LHFPL3: variants seen among roughly 807,000 people sequenced by gnomAD.
LHFPL3 encodes LHFPL tetraspan subfamily member 3 protein.
In LHFPL3, 5 loss-of-function variants were observed where a neutral mutation model predicts 19.3. The ratio of observed to expected loss-of-function variants is 0.26; its 90% CI spans 0.14 to 0.54. The LOEUF is 0.54. Among genes scored for constraint, LHFPL3 ranks in the 20% least tolerant of loss-of-function variants. The pLI is 0.94. For synonymous variants in LHFPL3, 133 were observed against 126.2 expected, an observed-to-expected ratio of 1.05 and a Z score of -0.36; for missense variants, 249 against 307.4, an observed-to-expected ratio of 0.81 and a Z score of 1.42.
chr7:104,353,921 C>A (rs1452116572), intron 1 of LHFPL3, among the ~76,000 whole-genome samples: 1 of 152,134 alleles, frequency 6.6e-6, no homozygotes, highest in African/African-American at 2.4e-5. Flanking sequence ...CCATGTCTCT[C>A]TATTCCTTTA....
chr7:104,829,497 C>T (rs2116552667), intron 2 of LHFPL3, among the ~76,000 whole-genome samples: 1 of 151,698 alleles, frequency 6.6e-6, no homozygotes, highest in Middle Eastern at 3.4e-3. Context: ...TACCCCACAA[C>T]AGTCCCCGGA....
intron 1 of LHFPL3, among the ~76,000 whole-genome samples, chr7:104,330,895 C>T (rs967867710): frequency 6.6e-6 from 1 of 152,152 alleles, no homozygotes; most frequent in African/African-American, 2.4e-5. Context: ...CATGCAGATG[C>T]TGTAGAAAAA....
chr7:104,573,655 C>A lies in LHFPL3; in HGVS notation c.446-163020C>A, dbSNP rs539972398. Among the ~76,000 whole-genome samples, 2 of 152,318 alleles carry A rather than the reference C, an allele frequency of 1.3e-5. 1 individual carries two copies. Among genetic ancestry groups the A allele is most frequent in the Non-Finnish European group, 2.9e-5 (2 of 68,034 alleles). ...CGCTGCAATGGCTCTTTCCTCCTAA[C>A]AGCCAGGGCCTGGGTAAAGGTTGGG... On this transcript the variant is annotated intron_variant, in intron 1 of 2. Transcript: ENST00000424859.
At chr7:104,481,112 C>A (rs923344663) in intron 1 of LHFPL3, among the ~76,000 whole-genome samples, 1 of 152,170 alleles carries the variant, frequency 6.6e-6, no homozygotes, top group Admixed American at 6.6e-5. Flanking sequence ...TACACTTGTG[C>A]AAAGAAGGAC....
rs61377564 is a variant in LHFPL3 at position 104,873,900 on chromosome 7, A to G, written c.683-32287A>G. Among the ~76,000 whole-genome samples the G allele has an allele frequency of 2.9e-3, 443 of 152,360 alleles. 22 individuals are homozygous for G. In the East Asian group the frequency reaches 0.056, roughly 19 times the overall value. ...GTCTCGGTTGCCCTCAGAACGTATGATGAAGTCTGCCTGTGCTTTTATGGC... is the reference window on the plus strand; with the variant it reads ...GTCTCGGTTGCCCTCAGAACGTATGGTGAAGTCTGCCTGTGCTTTTATGGC... On this transcript the variant is annotated intron_variant, in intron 2 of 2. Coordinates refer to ENST00000424859, the MANE Select transcript of LHFPL3 (RefSeq NM_199000.3).
intron 1 of LHFPL3, among the ~76,000 whole-genome samples, chr7:104,442,999 C>A (rs549598365): frequency 1.3e-5 from 2 of 152,116 alleles, no homozygotes; most frequent in Non-Finnish European, 2.9e-5. Flanking sequence ...TGATTAGTGA[C>A]CAAACACTGG....
chr7:104,399,522 C>T lies in LHFPL3; in HGVS notation c.445+70298C>T, dbSNP rs548392417. 2.6e-5 allele frequency among the ~76,000 whole-genome samples: 4 copies of T among 151,430 alleles called. No individual in the cohort carries two copies. The South Asian group carries it at 6.3e-4, about 24-fold the overall frequency. ...AGGCTGGCAGGCTGGAGTGCAGTGG[C>T]GCAGTCTTGGCTCAGTGCAACCTCT... On this transcript the variant is annotated intron_variant, in intron 1 of 2. Coordinates refer to ENST00000424859, the MANE Select transcript of LHFPL3 (RefSeq NM_199000.3). The surrounding 1 kb of genome is among the most constrained non-coding windows in gnomAD (Gnocchi z 4.4).
chr7:104,448,035 G>A (rs1457666155), intron 1 of LHFPL3, among the ~76,000 whole-genome samples: 1 of 151,744 alleles, frequency 6.6e-6, no homozygotes, highest in African/African-American at 2.4e-5. Flanking sequence ...ACTGAGATAC[G>A]GTTTACCTCT....
chr7:104,861,847 G>A (rs1054470774), intron 2 of LHFPL3, among the ~76,000 whole-genome samples: 2 of 152,110 alleles, frequency 1.3e-5, no homozygotes, highest in Non-Finnish European at 2.9e-5. Flanking sequence ...GCTTTGGATT[G>A]GCAGAGACAT....
chr7:104,535,158 A>G (rs1794369045), intron 1 of LHFPL3, among the ~76,000 whole-genome samples: 1 of 152,220 alleles, frequency 6.6e-6, no homozygotes. Flanking sequence ...TTGAACTACA[A>G]ATAAGCTAAT....
intron 1 of LHFPL3, among the ~76,000 whole-genome samples, chr7:104,401,621 G>A (rs1210993611): frequency 6.6e-6 from 1 of 152,128 alleles, no homozygotes; most frequent in Non-Finnish European, 1.5e-5. Flanking sequence ...ACCAGTGCCA[G>A]ATACTTTTCA....
At chr7:104,513,002 G>A (rs1451055523) in intron 1 of LHFPL3, among the ~76,000 whole-genome samples, 1 of 152,104 alleles carries the variant, frequency 6.6e-6, no homozygotes, top group Non-Finnish European at 1.5e-5. Flanking sequence ...TATGGATATA[G>A]TTCTCTTTCA....
intron 1 of LHFPL3, among the ~76,000 whole-genome samples, chr7:104,487,352 C>T (rs896684514): frequency 1.3e-5 from 2 of 152,178 alleles, no homozygotes; most frequent in African/African-American, 4.8e-5. Context: ...TAATTATTTA[C>T]CAAATTATTC....
chr7:104,388,741 A>G (rs1349187886), intron 1 of LHFPL3, among the ~76,000 whole-genome samples: 1 of 152,174 alleles, frequency 6.6e-6, no homozygotes, highest in African/African-American at 2.4e-5. Context: ...CTGAAAGTCA[A>G]TGTAATATAT....
At chr7:104,506,679 A>G (rs1008526184) in intron 1 of LHFPL3, among the ~76,000 whole-genome samples, 4 of 152,218 alleles carry the variant, frequency 2.6e-5, no homozygotes, top group African/African-American at 9.6e-5. Flanking sequence ...ATCTTCTGTG[A>G]TTTGTACAAG....
chr7:104,420,105 T>C (rs897247956), intron 1 of LHFPL3, among the ~76,000 whole-genome samples: 1 of 152,208 alleles, frequency 6.6e-6, no homozygotes, highest in Non-Finnish European at 1.5e-5. Flanking sequence ...AGACCCCACC[T>C]GCCTAGATTG....
chr7:104,558,543 A>G (rs1789910611), intron 1 of LHFPL3, among the ~76,000 whole-genome samples: 2 of 151,248 alleles, frequency 1.3e-5, no homozygotes, highest in African/African-American at 4.9e-5. Flanking sequence ...TTTTTCTTGT[A>G]AATTTGTTTG....
At chr7:104,584,267 A>C (rs1394519366) in intron 1 of LHFPL3, among the ~76,000 whole-genome samples, 1 of 151,410 alleles carries the variant, frequency 6.6e-6, no homozygotes, top group African/African-American at 2.4e-5. Flanking sequence ...ATGAGAACAC[A>C]CGGACACAGG....
chr7:104,803,247 T>A (rs1790289374), intron 2 of LHFPL3, among the ~76,000 whole-genome samples: 1 of 152,194 alleles, frequency 6.6e-6, no homozygotes, highest in Non-Finnish European at 1.5e-5. Flanking sequence ...AACCCTTTTG[T>A]TCCCTTTACA....
Sources: gnomAD v4.1 joint callset for allele counts (sites outside exome capture counted in the v4.1 genomes callset) on GRCh38, gnomAD v4.1.1 for gene constraint, Gnocchi (gnomAD v3.1) non-coding constraint, MANE v1.5 for transcripts, NCBI Gene and HGNC (gene_info 2026-07-23, HGNC 2026-07-21) for gene names.